YEATS4: variants seen among roughly 807,000 people sequenced by gnomAD.
YEATS4 encodes YEATS domain-containing protein 4.
YEATS4 carries 17 observed loss-of-function variants against 30.1 expected under a neutral mutation model. The observed-to-expected ratio is 0.56, with a 90% CI of 0.39 to 0.85. The LOEUF (loss-of-function observed/expected upper bound fraction) is 0.85. Among genes scored for constraint, YEATS4 ranks in the 40% least tolerant of loss-of-function variants. The pLI, the probability that YEATS4 is intolerant of heterozygous loss-of-function variation, is 0.00. For missense variants in YEATS4, 142 were observed against 268.3 expected (o/e 0.53, Z 3.29); for synonymous variants, 85 against 87.5 (o/e 0.97, Z 0.16).
chr12:69,413,749 G>A, the YEATS4 span, among the ~76,000 whole-genome samples: 3 of 151,778 alleles, frequency 2.0e-5, no homozygotes, highest in African/African-American at 7.3e-5. Flanking sequence ...CTACTTGGGA[G>A]GCTGAGGCAG....
the YEATS4 span, among the ~76,000 whole-genome samples, chr12:69,409,912 A>G: frequency 6.6e-6 from 1 of 152,198 alleles, no homozygotes; most frequent in Non-Finnish European, 1.5e-5. Context: ...TGATGTGAAG[A>G]CAAAGGGAGA....
the YEATS4 span, among the ~76,000 whole-genome samples, chr12:69,411,860 G>C: frequency 7.1e-3 from 1,077 of 152,370 alleles, 16 homozygotes; most frequent in African/African-American, 0.024. Context: ...GATGCCAAGT[G>C]AGCAAGGGGA....
rs1455473388 is a variant in YEATS4, at chr12:69,378,410, C to T, written c.514+7435C>T. On this transcript the variant is annotated intron_variant, in intron 6 of 6. Coordinates refer to ENST00000247843, the MANE Select transcript of YEATS4 (RefSeq NM_006530.4). The stretch of plus-strand genomic sequence containing the variant: ...AGTATTGATAAGTAAGGACTTCCAC[C>T]ATTTTATTTTTCTGATTGTTTGATG... 4.6e-5 allele frequency among the ~76,000 whole-genome samples: 7 copies of T among 152,160 alleles called. No individual in the cohort carries two copies. In the Middle Eastern group the frequency reaches 0.014, roughly 296 times the overall value.
intron 1 of YEATS4, among the ~76,000 whole-genome samples, chr12:69,361,693 A>G (rs1875216891): frequency 6.6e-6 from 1 of 152,212 alleles, no homozygotes; most frequent in African/African-American, 2.4e-5. Flanking sequence ...TAACTGAGCC[A>G]TTGGTTTCAG....
the YEATS4 span, among the ~76,000 whole-genome samples, chr12:69,396,524 C>T: frequency 1.3e-5 from 2 of 152,124 alleles, no homozygotes; most frequent in Non-Finnish European, 2.9e-5. Flanking sequence ...TGTTATAGTC[C>T]AATCCCTATT....
At chr12:69,423,405 G>C in the YEATS4 span, among the ~76,000 whole-genome samples, 1 of 152,172 alleles carries the variant, frequency 6.6e-6, no homozygotes, top group Non-Finnish European at 1.5e-5. Context: ...AACAGAAGAG[G>C]AACATCCTGG....
Position 69,390,330 on chromosome 12 carries a change from G to A in YEATS4, c.*14G>A, listed in dbSNP as rs752511823. The A allele has an allele frequency of 6.5e-7, 1 of 1,544,370 alleles. No individual in the cohort carries two copies. The highest frequency in any genetic ancestry group is 2.3e-5 in the East Asian group (1 of 42,846). On this transcript the variant is annotated 3_prime_UTR_variant, in exon 7 of 7. Transcript: ENST00000247843. ...AAAGACATATAAACAGTTCTCATGA[G>A]AACTTGGTAGTAAGCTAAACTGAAA...
the YEATS4 span, among the ~76,000 whole-genome samples, chr12:69,405,652 T>G: frequency 3.3e-5 from 5 of 152,304 alleles, no homozygotes; most frequent in African/African-American, 1.2e-4. Context: ...AAGTGACTAA[T>G]AGGCGGGTAA....
chr12:69,418,998 C>T, the YEATS4 span, among the ~76,000 whole-genome samples: 2 of 131,300 alleles, frequency 1.5e-5, no homozygotes, highest in African/African-American at 2.7e-5. Flanking sequence ...ATATTAAATA[C>T]ATATATAATT....
intron 6 of YEATS4, among the ~76,000 whole-genome samples, chr12:69,385,161 G>A (rs1448008827): frequency 6.7e-6 from 1 of 149,180 alleles, no homozygotes; most frequent in Non-Finnish European, 1.5e-5. Context: ...CTACAGGTAT[G>A]TGCCACCATG....
intron 6 of YEATS4, 142 bp downstream of exon 6, chr12:69,371,117 G>A (rs969668255): frequency 1.4e-6 from 1 of 728,824 alleles, no homozygotes; most frequent in Non-Finnish European, 2.1e-6. Flanking sequence ...GTATTACAGT[G>A]GAACATGTAA....
At chr12:69,408,701 C>A in the YEATS4 span, among the ~76,000 whole-genome samples, 1 of 152,210 alleles carries the variant, frequency 6.6e-6, no homozygotes, top group African/African-American at 2.4e-5. Context: ...GTCTCCAGAA[C>A]TGCAGGCTTG....
chr12:69,359,904 G>A lies in YEATS4; in HGVS notation c.-69G>A. 6.3e-7 allele frequency: 1 copy of A among 1,599,890 alleles called. No homozygotes were observed. Among genetic ancestry groups the A allele is most frequent in the Non-Finnish European group, 8.5e-7 (1 of 1,169,968 alleles). On this transcript the variant is annotated 5_prime_UTR_variant, in exon 1 of 7. Transcript: ENST00000247843. ...CCCGCGCGACAGGAGCGCGGTCTCT[G>A]AGGGGAGCGGCGACCCCGCCAGCCC...
At chr12:69,412,795 G>A in the YEATS4 span, among the ~76,000 whole-genome samples, 1 of 152,164 alleles carries the variant, frequency 6.6e-6, no homozygotes, top group Non-Finnish European at 1.5e-5. Flanking sequence ...CCTTCCTGAA[G>A]ATGGCTGTGT....
At chr12:69,404,694 C>G in the YEATS4 span, among the ~76,000 whole-genome samples, 1 of 152,168 alleles carries the variant, frequency 6.6e-6, no homozygotes, top group Non-Finnish European at 1.5e-5. Context: ...TCTGTTTTAG[C>G]AGTTGAAAAT....
At chr12:69,372,633 C>T (rs764030576) in intron 6 of YEATS4, among the ~76,000 whole-genome samples, 12 of 150,780 alleles carry the variant, frequency 8.0e-5, no homozygotes, top group Non-Finnish European at 1.3e-4. Context: ...CTCCCAGGCT[C>T]AAGTGATTCT....
the YEATS4 span, among the ~76,000 whole-genome samples, chr12:69,426,464 G>A: frequency 1.3e-5 from 2 of 152,070 alleles, no homozygotes; most frequent in Non-Finnish European, 2.9e-5. Flanking sequence ...TCTGCCTCCC[G>A]GGTTCAAGCA....
downstream of YEATS4, among the ~76,000 whole-genome samples, chr12:69,392,063 T>A (rs959992947): frequency 6.6e-5 from 10 of 152,230 alleles, no homozygotes; most frequent in South Asian, 4.1e-4. Context: ...TCAATAAAAA[T>A]TTTTTTAATG....
chr12:69,403,242 A>G, the YEATS4 span, among the ~76,000 whole-genome samples: 1 of 152,094 alleles, frequency 6.6e-6, no homozygotes, highest in Non-Finnish European at 1.5e-5. Context: ...GGCCTTTGTA[A>G]ATGTTCTGAA....
Sources: gnomAD v4.1 joint callset for allele counts (sites outside exome capture counted in the v4.1 genomes callset) on GRCh38, gnomAD v4.1.1 for gene constraint, MANE v1.5 for transcripts, NCBI Gene and HGNC (gene_info 2026-07-23, HGNC 2026-07-21) for gene names.